Variants in MAMDC2 observed in about 807,000 individuals in gnomAD.
MAMDC2 encodes the protein MAM domain containing 2, also known as MAM domain-containing protein 2.
MAMDC2 carries 57 observed loss-of-function variants against 89.8 expected under a neutral mutation model. That is an observed-to-expected ratio of 0.63 (90% CI 0.51 to 0.79). The LOEUF (loss-of-function observed/expected upper bound fraction) is 0.79, where lower values mean the gene tolerates loss of function less well. Ranked by LOEUF, MAMDC2 falls within the 30% of genes least tolerant of loss-of-function variation. The pLI is 0.00. For synonymous variants in MAMDC2, 313 were observed against 293.4 expected, an observed-to-expected ratio of 1.07 and a Z score of -0.68; for missense variants, 800 against 820.6, an observed-to-expected ratio of 0.97 and a Z score of 0.31.
intron 2 of MAMDC2, among the ~76,000 whole-genome samples, chr9:70,099,439 G>A (rs1439146244): frequency 6.6e-6 from 1 of 152,176 alleles, no homozygotes; most frequent in African/African-American, 2.4e-5. Context: ...TGAGGATGCA[G>A]TTCCACAGAG....
intron 11 of MAMDC2, among the ~76,000 whole-genome samples, chr9:70,190,630 G>T (rs1345186199): frequency 6.7e-6 from 1 of 150,276 alleles, no homozygotes; most frequent in African/African-American, 2.5e-5. Context: ...CCAGAAATAT[G>T]TTAGAGCTTT....
chr9:70,175,012 C>T (rs2118551086), intron 11 of MAMDC2, among the ~76,000 whole-genome samples: 1 of 152,272 alleles, frequency 6.6e-6, no homozygotes, highest in Admixed American at 6.5e-5. Flanking sequence ...AGGCATGAGC[C>T]ACTGTGCCCA....
intron 2 of MAMDC2, among the ~76,000 whole-genome samples, chr9:70,094,244 C>CT (rs1827972878): frequency 6.6e-6 from 1 of 152,206 alleles, no homozygotes; most frequent in Non-Finnish European, 1.5e-5. Context: ...TTCAAGACGG[C>CT]TAAGCAATGC....
chr9:70,115,876 T>C (rs183990217), intron 5 of MAMDC2, among the ~76,000 whole-genome samples: 136 of 152,316 alleles, frequency 8.9e-4, no homozygotes, highest in African/African-American at 3.0e-3. Context: ...TTTATGTAAA[T>C]GAGTAAAGCA....
intron 11 of MAMDC2, among the ~76,000 whole-genome samples, chr9:70,188,277 T>C (rs1462143935): frequency 2.0e-5 from 3 of 152,180 alleles, no homozygotes; most frequent in African/African-American, 7.2e-5. Context: ...GTCTCTACCA[T>C]TTGATCAGAG....
chr9:70,126,525 T>G (rs1205662035), intron 6 of MAMDC2, 110 bp downstream of exon 6: 1 of 1,150,270 alleles, frequency 8.7e-7, no homozygotes, highest in African/African-American at 1.5e-5. Context: ...GTCTGTCTTT[T>G]CTGCTGTGCC....
intron 5 of MAMDC2, among the ~76,000 whole-genome samples, chr9:70,122,993 G>T (rs2030354263): frequency 6.6e-6 from 1 of 152,128 alleles, no homozygotes; most frequent in South Asian, 2.1e-4. Flanking sequence ...AAACTCTCCT[G>T]CAGGTCCAAA....
chr9:70,061,027 C>A (rs1216930461), intron 2 of MAMDC2, among the ~76,000 whole-genome samples: 2 of 152,114 alleles, frequency 1.3e-5, no homozygotes, highest in Non-Finnish European at 2.9e-5. Context: ...GAGTGGCTGG[C>A]CCTAATTTTC....
At chr9:70,109,855 G>T in intron 4 of MAMDC2, 51 bp downstream of exon 4, 1 of 1,479,976 alleles carries the variant, frequency 6.8e-7, no homozygotes, top group Non-Finnish European at 9.5e-7. Flanking sequence ...TTTTCTAAAA[G>T]TTACTGTTGC....
At chr9:70,151,128 AG>A (rs1212709143) in intron 9 of MAMDC2, among the ~76,000 whole-genome samples, 3 of 152,170 alleles carry the variant, frequency 2.0e-5, no homozygotes, top group Non-Finnish European at 4.4e-5. Context: ...TGCTCTGCAC[AG>A]GGGGTGCCTC....
intron 2 of MAMDC2, among the ~76,000 whole-genome samples, chr9:70,046,077 A>G (rs1271323199): frequency 6.6e-6 from 1 of 152,160 alleles, no homozygotes; most frequent in African/African-American, 2.4e-5. Flanking sequence ...TAGAAATGCC[A>G]CGAGACTGGC....
chr9:70,126,093 G>C, intron 5 of MAMDC2, 66 bp from the exon 6 acceptor site: 2 of 1,477,830 alleles, frequency 1.4e-6, no homozygotes, highest in East Asian at 2.3e-5. Context: ...ACACCATTTC[G>C]CCTGAACCTC....
chr9:70,147,432 A>G (rs1290087476), intron 9 of MAMDC2, among the ~76,000 whole-genome samples: 2 of 150,046 alleles, frequency 1.3e-5, no homozygotes, highest in Non-Finnish European at 3.0e-5. Flanking sequence ...ATGAAAGAGA[A>G]GGAACTTATA....
At chr9:70,057,223 C>T (rs936769868) in intron 2 of MAMDC2, among the ~76,000 whole-genome samples, 1 of 152,120 alleles carries the variant, frequency 6.6e-6, no homozygotes, top group African/African-American at 2.4e-5. Flanking sequence ...ATTCTGCTAA[C>T]TGTTAGAAAT....
intron 11 of MAMDC2, among the ~76,000 whole-genome samples, chr9:70,187,377 A>T (rs1435027889): frequency 6.6e-6 from 1 of 152,066 alleles, no homozygotes; most frequent in Admixed American, 6.6e-5. Context: ...TATTAAACCC[A>T]TTAACTGATT....
chr9:70,218,409 G>T lies in MAMDC2; in HGVS notation c.1724G>T (p.Arg575Leu). ...QKARLLSRPL[R>L]GVSGKHCLTF... ...GCACGCCTCTTGTCCAGGCCTCTGC[G>T]AGGAGTCTCTGGAAAACACTGCTTG... The change falls in exon 12 of 14, where the codon CGA becomes CTA. Residue 575 changes from arginine (R) to leucine (L), a missense_variant. Physicochemically the swap from Arg to Leu is moderately radical, Grantham distance 102. Coordinates refer to ENST00000377182, the MANE Select transcript of MAMDC2 (RefSeq NM_153267.5). 6.2e-7 allele frequency: 1 copy of T among 1,614,182 alleles called. No individual in the cohort carries two copies. The highest frequency in any genetic ancestry group is 8.5e-7 in the Non-Finnish European group (1 of 1,180,020).
chr9:70,215,252 C>T (rs1182217978), intron 11 of MAMDC2, among the ~76,000 whole-genome samples: 1 of 70,012 alleles, frequency 1.4e-5, no homozygotes, highest in Non-Finnish European at 3.0e-5. Context: ...TGGTAAACCA[C>T]TATGTCCAAT....
chr9:70,185,039 T>C lies in MAMDC2; in HGVS notation c.1651+14408T>C, dbSNP rs371269319. On this transcript the variant is annotated intron_variant, in intron 11 of 13. Transcript: ENST00000377182. ...ATTTCTCTACCTTTGATATTTGAAG[T>C]TGATGACTTTTGGATGGGGATTTTG... Among the ~76,000 whole-genome samples the C allele has an allele frequency of 1.9e-4, 29 of 152,356 alleles. 2 individuals are homozygous for C. The highest frequency in any genetic ancestry group is 6.7e-4 in the African/African-American group (28 of 41,590).
chr9:70,102,753 A>T (rs1828229286), intron 2 of MAMDC2, among the ~76,000 whole-genome samples: 2 of 152,160 alleles, frequency 1.3e-5, no homozygotes, highest in Admixed American at 1.3e-4. Context: ...CTTTATAAAG[A>T]TTTTATCATC....
Sources: gnomAD v4.1 joint callset for allele counts (sites outside exome capture counted in the v4.1 genomes callset) on GRCh38, gnomAD v4.1.1 for gene constraint, MANE v1.5 for transcripts, NCBI Gene and HGNC (gene_info 2026-07-23, HGNC 2026-07-21) for gene names.